RIN2: variants seen among roughly 807,000 people sequenced by gnomAD.
RIN2 encodes Ras and Rab interactor 2.
In RIN2, 36 loss-of-function variants were observed where a neutral mutation model predicts 78.0. The ratio of observed to expected loss-of-function variants is 0.46; its 90% CI spans 0.35 to 0.61. The LOEUF is 0.61. Among genes scored for constraint, RIN2 ranks in the 20% least tolerant of loss-of-function variants. The probability of loss-of-function intolerance (pLI) is 0.00; values close to 1 mark genes in which losing one functional copy is unlikely to be tolerated. For missense variants in RIN2, 1,087 were observed against 1,159.7 expected (o/e 0.94, Z 0.91); for synonymous variants, 466 against 466.8 (o/e 1.00, Z 0.02).
chr20:19,862,533 C>T (rs1023622968), intron 2 of RIN2, among the ~76,000 whole-genome samples: 6 of 152,136 alleles, frequency 3.9e-5, no homozygotes, highest in South Asian at 4.2e-4. Flanking sequence ...GCAGAGGTTG[C>T]GGTGAGCCAA....
chr20:19,999,008 TC>T (rs1287044975), intron 12 of RIN2, among the ~76,000 whole-genome samples: 1 of 152,116 alleles, frequency 6.6e-6, no homozygotes, highest in East Asian at 1.9e-4. Context: ...GTGCATGCCT[TC>T]TCAGAGTGTA....
At chr20:19,875,150 C>T (rs999208927) in intron 2 of RIN2, among the ~76,000 whole-genome samples, 4 of 151,212 alleles carry the variant, frequency 2.6e-5, no homozygotes, top group East Asian at 2.0e-4. Flanking sequence ...CATGAGCCAC[C>T]GCACCCAGCA....
intron 1 of RIN2, among the ~76,000 whole-genome samples, chr20:19,764,943 T>TG (rs1555813270): frequency 2.5e-4 from 33 of 132,694 alleles, no homozygotes; most frequent in African/African-American, 9.0e-4. Flanking sequence ...TTTTTTTTTT[T>TG]GACAGAGTCT....
intron 6 of RIN2, among the ~76,000 whole-genome samples, chr20:19,961,636 A>G (rs2041752080): frequency 6.7e-6 from 1 of 149,998 alleles, no homozygotes; most frequent in South Asian, 2.1e-4. Flanking sequence ...GATGAAGGTC[A>G]ATTTCAGGGC....
intron 10 of RIN2, 29 bp downstream of exon 10, chr20:19,990,340 G>A (rs1218322032): frequency 1.9e-6 from 3 of 1,584,500 alleles, no homozygotes; most frequent in East Asian, 2.3e-5. Context: ...CAGGCTTCGT[G>A]CCGCTTCCCT....
intron 3 of RIN2, among the ~76,000 whole-genome samples, chr20:19,891,416 C>G (rs992369648): frequency 2.6e-5 from 4 of 152,282 alleles, no homozygotes; most frequent in Admixed American, 2.6e-4. Context: ...AAAGCACTGT[C>G]TAGATCAGCC....
chr20:19,837,556 G>C (rs2036457385), intron 2 of RIN2, among the ~76,000 whole-genome samples: 1 of 151,990 alleles, frequency 6.6e-6, no homozygotes, highest in African/African-American at 2.4e-5. Context: ...TCACCATTGG[G>C]ATACTAGAGT....
At chr20:19,963,000 A>G (rs1434518782) in intron 6 of RIN2, among the ~76,000 whole-genome samples, 4 of 152,238 alleles carry the variant, frequency 2.6e-5, no homozygotes, top group Non-Finnish European at 5.9e-5. Context: ...ACTTACAGAC[A>G]GTGCAGCTTA....
chr20:19,887,800 G>C (rs888248148), intron 2 of RIN2, among the ~76,000 whole-genome samples: 3 of 152,160 alleles, frequency 2.0e-5, no homozygotes, highest in African/African-American at 7.2e-5. Flanking sequence ...TGAACTGCCA[G>C]GTGACATCAA....
chr20:19,885,356 A>C (rs1226238797), intron 2 of RIN2, among the ~76,000 whole-genome samples: 1 of 152,180 alleles, frequency 6.6e-6, no homozygotes, highest in East Asian at 1.9e-4. Flanking sequence ...TGTAGTTAAT[A>C]CCAATGTATT....
At chr20:19,934,919 C>G (rs546654543) in intron 3 of RIN2, among the ~76,000 whole-genome samples, 180 bp from the exon 4 acceptor site, 1 of 151,736 alleles carries the variant, frequency 6.6e-6, no homozygotes, top group South Asian at 2.1e-4. Context: ...GCTGCCTCCT[C>G]CCCCTTTATT....
Position 19,899,284 on chromosome 20 carries a change from C to T in RIN2, c.57+9626C>T, listed in dbSNP as rs180686858. ...TCATGGTGTAAAATCCTCACAGTGACGCTCTTGGTGTTGCTCTAATCCCTA... is the reference window on the plus strand; with the variant it reads ...TCATGGTGTAAAATCCTCACAGTGATGCTCTTGGTGTTGCTCTAATCCCTA... On this transcript the variant is annotated intron_variant, in intron 3 of 12. Transcript: ENST00000255006. Among the ~76,000 whole-genome samples, 36 of 152,232 alleles carry T rather than the reference C, an allele frequency of 2.4e-4. No homozygotes were observed. The East Asian group carries it at 3.7e-3, about 15-fold the overall frequency.
At position 19,997,099 on chromosome 20, in the gene RIN2, C is replaced by T. The variant is rs540265867; in HGVS notation, c.2364+257C>T. The stretch of plus-strand genomic sequence containing the variant: ...CAGAATCTCTGCCCAATCAAGCAGA[C>T]GATAAGTCAAAAAGGAGGAGGAAGC... On this transcript the variant is annotated intron_variant, in intron 12 of 12. Coordinates refer to ENST00000255006, the MANE Select transcript of RIN2 (RefSeq NM_018993.4). Among the ~76,000 whole-genome samples the T allele has an allele frequency of 1.3e-3, 195 of 152,142 alleles. 1 individual carries two copies. The highest frequency in any genetic ancestry group is 4.2e-3 in the African/African-American group (173 of 41,504).
At chr20:19,943,271 G>A (rs1433395102) in intron 4 of RIN2, among the ~76,000 whole-genome samples, 1 of 152,206 alleles carries the variant, frequency 6.6e-6, no homozygotes, top group African/African-American at 2.4e-5. Context: ...TCAACCAGAG[G>A]AAGTTCCTGG....
chr20:20,001,769 T>C lies in RIN2; in HGVS notation c.*833T>C, dbSNP rs560928131. The C allele has an allele frequency of 6.6e-6, 1 of 152,650 alleles. No homozygotes were observed. 9.5% of individuals were successfully genotyped at this position (152,650 alleles called of 1,614,324 possible). A position where few individuals can be genotyped will look rare whatever the true frequency, so the allele number is the denominator to read the frequency against. ...CTGAGAATAAGGAGAGAAATGAATG[T>C]AGAGAGAGGTAGAGAGAGAAATATG... On this transcript the variant is annotated 3_prime_UTR_variant, in exon 13 of 13. Transcript: ENST00000255006.
intron 3 of RIN2, among the ~76,000 whole-genome samples, chr20:19,914,232 A>G (rs1364080361): frequency 6.6e-6 from 1 of 152,166 alleles, no homozygotes; most frequent in Admixed American, 6.6e-5. Context: ...TCATTTTTTC[A>G]GTCACATTGC....
chr20:19,784,369 G>T (rs140417731), intron 1 of RIN2, among the ~76,000 whole-genome samples: 9 of 151,936 alleles, frequency 5.9e-5, no homozygotes, highest in Non-Finnish European at 8.8e-5. Flanking sequence ...TATTACAAAG[G>T]GTTCCTTGTT....
intron 1 of RIN2, among the ~76,000 whole-genome samples, chr20:19,777,161 T>C (rs1258611242): frequency 1.3e-5 from 2 of 152,164 alleles, no homozygotes; most frequent in Non-Finnish European, 2.9e-5. Context: ...TCTTTTTAAA[T>C]GTAGGAGGTT....
At chr20:19,912,108 T>G (rs779901351) in intron 3 of RIN2, among the ~76,000 whole-genome samples, 1 of 152,192 alleles carries the variant, frequency 6.6e-6, no homozygotes, top group Non-Finnish European at 1.5e-5. Context: ...AAGCTAAACA[T>G]GAAAAGCAGA....
Sources: gnomAD v4.1 joint callset for allele counts (sites outside exome capture counted in the v4.1 genomes callset) on GRCh38, gnomAD v4.1.1 for gene constraint, MANE v1.5 for transcripts, NCBI Gene and HGNC (gene_info 2026-07-23, HGNC 2026-07-21) for gene names.